Variants in ZNF804A observed in about 807,000 individuals in gnomAD.
ZNF804A encodes zinc finger protein 804A.
A neutral mutation model predicts 16.5 loss-of-function variants in ZNF804A; 2 were observed. The ratio of observed to expected loss-of-function variants is 0.12; its 90% confidence interval spans 0.05 to 0.38. ZNF804A has a LOEUF of 0.38. Ranked by LOEUF, ZNF804A falls within the 10% of genes least tolerant of loss-of-function variation. The pLI, the probability that ZNF804A is intolerant of heterozygous loss-of-function variation, is 0.99. For synonymous variants in ZNF804A, 534 were observed against 489.6 expected (o/e 1.09, Z -1.20); for missense variants, 1,473 against 1,390.7 (o/e 1.06, Z -0.94).
At chr2:184,806,218 C>T (rs573750908) in intron 1 of ZNF804A, among the ~76,000 whole-genome samples, 1 of 151,914 alleles carries the variant, frequency 6.6e-6, no homozygotes, top group Non-Finnish European at 1.5e-5. Context: ...TAGAGCACTG[C>T]AGGAAGGAAA....
chr2:184,736,119 C>T (rs1693607058), intron 1 of ZNF804A, among the ~76,000 whole-genome samples: 1 of 152,094 alleles, frequency 6.6e-6, no homozygotes. Flanking sequence ...TTCATTCTAA[C>T]ACATGCACAT....
At chr2:184,868,918 T>G (rs1255048249) in intron 2 of ZNF804A, among the ~76,000 whole-genome samples, 1 of 152,058 alleles carries the variant, frequency 6.6e-6, no homozygotes, top group Non-Finnish European at 1.5e-5. Context: ...AAAGCAATCT[T>G]TTTGGTTTCC....
At chr2:184,825,960 T>C (rs1695160590) in intron 1 of ZNF804A, among the ~76,000 whole-genome samples, 1 of 152,018 alleles carries the variant, frequency 6.6e-6, no homozygotes, top group Non-Finnish European at 1.5e-5. Flanking sequence ...CAACCTCCAT[T>C]TCCCAGAGTC....
intron 1 of ZNF804A, among the ~76,000 whole-genome samples, chr2:184,677,633 A>T (rs1692460329): frequency 6.6e-6 from 1 of 151,974 alleles, no homozygotes; most frequent in Non-Finnish European, 1.5e-5. Flanking sequence ...TATAACCCCA[A>T]ATCTTTGTCT....
At position 184,826,713 on chromosome 2, in the gene ZNF804A, A is replaced by G. The variant is rs866920034; in HGVS notation, c.112-39656A>G. Among the ~76,000 whole-genome samples the G allele has an allele frequency of 3.3e-5, 5 of 152,218 alleles. No homozygotes were observed. In the South Asian group the frequency reaches 1.0e-3, roughly 32 times the overall value. On this transcript the variant is annotated intron_variant, in intron 1 of 3. Transcript: ENST00000302277. ...TGATTACTTATTTGAAGTTTACTCTAACCGTTGAAAAAATTCAGAGAAACC... is the reference window on the plus strand; with the variant it reads ...TGATTACTTATTTGAAGTTTACTCTGACCGTTGAAAAAATTCAGAGAAACC...
At chr2:184,622,739 G>C (rs1180913651) in intron 1 of ZNF804A, among the ~76,000 whole-genome samples, 1 of 151,904 alleles carries the variant, frequency 6.6e-6, no homozygotes, top group African/African-American at 2.4e-5. Flanking sequence ...TAAGATGTGT[G>C]TATGCAAGAG....
chr2:184,829,786 G>T (rs924316945), intron 1 of ZNF804A, among the ~76,000 whole-genome samples: 1 of 150,106 alleles, frequency 6.7e-6, no homozygotes, highest in Non-Finnish European at 1.5e-5. Context: ...AATAGGCTGG[G>T]TGTAGTGGCT....
At chr2:184,855,745 T>C (rs1393372758) in intron 1 of ZNF804A, among the ~76,000 whole-genome samples, 2 of 151,928 alleles carry the variant, frequency 1.3e-5, no homozygotes, top group African/African-American at 4.8e-5. Flanking sequence ...ATATATTCTG[T>C]TTTCAGTGAG....
chr2:184,923,615 T>C (rs1450092676), intron 2 of ZNF804A, among the ~76,000 whole-genome samples: 1 of 152,038 alleles, frequency 6.6e-6, no homozygotes. Flanking sequence ...GTGGTCATTC[T>C]TGTCGTGGTC....
intron 2 of ZNF804A, among the ~76,000 whole-genome samples, chr2:184,898,627 A>G (rs1685127379): frequency 6.6e-6 from 1 of 152,028 alleles, no homozygotes; most frequent in Non-Finnish European, 1.5e-5. Flanking sequence ...CTTTGTTTAT[A>G]TTTTACCTTT....
chr2:184,669,228 A>G (rs776517317), intron 1 of ZNF804A, among the ~76,000 whole-genome samples: 28 of 152,088 alleles, frequency 1.8e-4, no homozygotes, highest in Non-Finnish European at 4.0e-4. Context: ...CACTGAGAAT[A>G]CATATTTTTT....
intron 1 of ZNF804A, among the ~76,000 whole-genome samples, chr2:184,857,097 A>G (rs372153665): frequency 6.6e-6 from 1 of 152,064 alleles, no homozygotes; most frequent in East Asian, 1.9e-4. Context: ...TTTTTGATGT[A>G]GGCATTTATT....
intron 1 of ZNF804A, among the ~76,000 whole-genome samples, chr2:184,661,667 G>A (rs1458942816): frequency 2.6e-5 from 4 of 152,266 alleles, no homozygotes; most frequent in Non-Finnish European, 5.9e-5. Context: ...AGATGGGGAT[G>A]GAAGTTCTCA....
At chr2:184,880,318 G>A (rs1021751052) in intron 2 of ZNF804A, among the ~76,000 whole-genome samples, 6 of 152,028 alleles carry the variant, frequency 3.9e-5, no homozygotes, top group African/African-American at 7.2e-5. Flanking sequence ...CATCTACAGA[G>A]ATGCAGCTTA....
intron 1 of ZNF804A, among the ~76,000 whole-genome samples, chr2:184,736,994 T>C (rs1245794383): frequency 6.6e-6 from 1 of 151,994 alleles, no homozygotes; most frequent in African/African-American, 2.4e-5. Context: ...AGAATAAGTT[T>C]TGTTGTAGAT....
At chr2:184,884,446 A>T (rs757611953) in intron 2 of ZNF804A, among the ~76,000 whole-genome samples, 7 of 152,084 alleles carry the variant, frequency 4.6e-5, no homozygotes, top group Non-Finnish European at 8.8e-5. Flanking sequence ...TAGAAAAAAA[A>T]CTACTATAAA....
At chr2:184,644,975 C>T (rs7608917) in intron 1 of ZNF804A, among the ~76,000 whole-genome samples, 1 of 151,882 alleles carries the variant, frequency 6.6e-6, no homozygotes, top group African/African-American at 2.4e-5. Context: ...TTTACATTTC[C>T]TTTTTTCATA....
chr2:184,840,552 AAAC>A (rs1223620004), intron 1 of ZNF804A, among the ~76,000 whole-genome samples: 1 of 152,160 alleles, frequency 6.6e-6, no homozygotes, highest in Non-Finnish European at 1.5e-5. Context: ...TAATTAATTC[AAAC>A]GTCATATGCT....
chr2:184,707,053 A>T (rs902043249), intron 1 of ZNF804A, among the ~76,000 whole-genome samples: 20 of 152,138 alleles, frequency 1.3e-4, no homozygotes, highest in African/African-American at 4.8e-4. Context: ...GCATAAAGAG[A>T]TTCAAGGCTG....
Sources: gnomAD v4.1 joint callset for allele counts (sites outside exome capture counted in the v4.1 genomes callset) on GRCh38, gnomAD v4.1.1 for gene constraint, MANE v1.5 for transcripts, NCBI Gene and HGNC (gene_info 2026-07-23, HGNC 2026-07-21) for gene names.